ABHD17B: variants seen among roughly 807,000 people sequenced by gnomAD.
The protein encoded by ABHD17B is abhydrolase domain containing 17B, depalmitoylase.
ABHD17B carries 9 observed loss-of-function variants against 26.2 expected under a neutral mutation model. The ratio of observed to expected loss-of-function variants is 0.34; its 90% confidence interval spans 0.21 to 0.60. The LOEUF (loss-of-function observed/expected upper bound fraction) is 0.60, where lower values mean the gene tolerates loss of function less well. Among genes scored for constraint, ABHD17B ranks in the 20% least tolerant of loss-of-function variants. The pLI is 0.80. For synonymous variants in ABHD17B, 127 were observed against 122.3 expected (o/e 1.04, Z -0.25); for missense variants, 224 against 352.1 (o/e 0.64, Z 2.91).
At chr9:71,879,510 T>C (rs917982608) in intron 1 of ABHD17B, among the ~76,000 whole-genome samples, 13 of 152,182 alleles carry the variant, frequency 8.5e-5, no homozygotes, top group Admixed American at 5.9e-4. Flanking sequence ...AGAAAAATGA[T>C]AGTGCAGGGC....
intron 3 of ABHD17B, 106 bp from the exon 4 acceptor site, chr9:71,867,112 T>G: frequency 7.2e-7 from 1 of 1,379,384 alleles, no homozygotes. Context: ...ATTGTATGAA[T>G]CAGTTCAGAA....
At chr9:71,867,776 C>T (rs778363715) in intron 3 of ABHD17B, among the ~76,000 whole-genome samples, 6 of 152,094 alleles carry the variant, frequency 3.9e-5, no homozygotes, top group Non-Finnish European at 7.4e-5. Context: ...AGAAGACTGC[C>T]AGAGTTTAGA....
chr9:71,884,589 A>C lies in ABHD17B; in HGVS notation c.-3-9506T>G, dbSNP rs138486775. On this transcript the variant is annotated intron_variant, in intron 1 of 3. Transcript: ENST00000333421. Reference sequence around the variant, plus strand: ...ATACATTTCTAAGGGTACATATGTCAGAGTATATGCTTACCAAAGGGGTAA... The same window carrying C: ...ATACATTTCTAAGGGTACATATGTCCGAGTATATGCTTACCAAAGGGGTAA... Among the ~76,000 whole-genome samples the C allele has an allele frequency of 7.1e-3, 1,082 of 152,010 alleles. 8 individuals are homozygous for C. The highest frequency in any genetic ancestry group is 0.025 in the African/African-American group (1,022 of 41,442).
chr9:71,871,718 T>C (rs916840101), intron 2 of ABHD17B, among the ~76,000 whole-genome samples: 1 of 152,182 alleles, frequency 6.6e-6, no homozygotes, highest in Admixed American at 6.5e-5. Flanking sequence ...CCATCTAATC[T>C]AGAGTCCAGC....
intron 1 of ABHD17B, among the ~76,000 whole-genome samples, chr9:71,882,816 T>C (rs975735929): frequency 2.0e-5 from 3 of 152,056 alleles, no homozygotes; most frequent in African/African-American, 7.3e-5. Flanking sequence ...TTTGGGTGAT[T>C]GTTGCACAAT....
At chr9:71,878,928 G>A (rs1330868477) in intron 1 of ABHD17B, among the ~76,000 whole-genome samples, 1 of 152,202 alleles carries the variant, frequency 6.6e-6, no homozygotes, top group African/African-American at 2.4e-5. Flanking sequence ...GGCCGAGGTA[G>A]GAGGATTGCT....
chr9:71,885,735 T>C (rs1261584809), intron 1 of ABHD17B, among the ~76,000 whole-genome samples: 2 of 152,206 alleles, frequency 1.3e-5, no homozygotes, highest in Admixed American at 1.3e-4. Flanking sequence ...CTACTGTATC[T>C]CCTTCCTCTC....
intron 1 of ABHD17B, among the ~76,000 whole-genome samples, chr9:71,905,420 C>G (rs1180008685): frequency 1.3e-5 from 2 of 152,068 alleles, no homozygotes; most frequent in African/African-American, 4.8e-5. Flanking sequence ...AATGAGGTAC[C>G]ATTTCATACT....
At position 71,885,281 on chromosome 9, in the gene ABHD17B, C is replaced by T. The variant is rs2310050; in HGVS notation, c.-3-10198G>A. 9.4e-4 allele frequency among the ~76,000 whole-genome samples: 143 copies of T among 151,816 alleles called. 1 individual carries two copies. The highest frequency in any genetic ancestry group is 2.7e-3 in the African/African-American group (113 of 41,424). On this transcript the variant is annotated intron_variant, in intron 1 of 3. Coordinates refer to ENST00000333421, the MANE Select transcript of ABHD17B (RefSeq NM_001025780.3). Reference sequence around the variant, plus strand: ...CCAACATGGTGAAACCCCATCTCTACTAAAAAAATAATAATAATTAATATA... The same window carrying T: ...CCAACATGGTGAAACCCCATCTCTATTAAAAAAATAATAATAATTAATATA...
chr9:71,893,865 G>A (rs1367253481), intron 1 of ABHD17B, among the ~76,000 whole-genome samples: 3 of 152,140 alleles, frequency 2.0e-5, no homozygotes, highest in African/African-American at 7.2e-5. Flanking sequence ...CAAGGCGGGT[G>A]GATCACAAGG....
intron 1 of ABHD17B, among the ~76,000 whole-genome samples, chr9:71,895,856 T>C (rs903165015): frequency 7.2e-5 from 11 of 152,160 alleles, no homozygotes; most frequent in African/African-American, 2.7e-4. Context: ...TACTTTGGAA[T>C]GCAACAGGAC....
At chr9:71,885,275 T>C (rs931799600) in intron 1 of ABHD17B, among the ~76,000 whole-genome samples, 12 of 151,732 alleles carry the variant, frequency 7.9e-5, no homozygotes, top group Admixed American at 5.3e-4. Context: ...TGAAACCCCA[T>C]CTCTACTAAA....
chr9:71,898,071 GA>G (rs1285394869), intron 1 of ABHD17B, among the ~76,000 whole-genome samples: 1 of 151,928 alleles, frequency 6.6e-6, no homozygotes, highest in Non-Finnish European at 1.5e-5. Flanking sequence ...AAGAAAATAA[GA>G]ACAATATATT....
intron 1 of ABHD17B, among the ~76,000 whole-genome samples, chr9:71,906,815 C>CA (rs1471335511): frequency 0.071 from 280 of 3,928 alleles, 4 homozygotes; most frequent in South Asian, 0.43. Flanking sequence ...AACAAACAAA[C>CA]AAACAAAAAA....
At chr9:71,870,612 G>A (rs1826081991) in intron 2 of ABHD17B, among the ~76,000 whole-genome samples, 8 of 152,118 alleles carry the variant, frequency 5.3e-5, no homozygotes, top group Admixed American at 5.2e-4. Context: ...ATGAACTGAT[G>A]TTGAATGAAT....
intron 1 of ABHD17B, among the ~76,000 whole-genome samples, chr9:71,907,999 A>C (rs1272357423): frequency 3.9e-5 from 6 of 152,246 alleles, no homozygotes; most frequent in South Asian, 2.1e-4. Flanking sequence ...TCAGGACTAG[A>C]GAAGACCCAA....
intron 1 of ABHD17B, among the ~76,000 whole-genome samples, chr9:71,889,973 T>A (rs1826734408): frequency 6.6e-6 from 1 of 152,026 alleles, no homozygotes; most frequent in Non-Finnish European, 1.5e-5. Flanking sequence ...TATAAAAGAC[T>A]GAGCGGGCTG....
At chr9:71,910,238 C>A (rs1339518251) in intron 1 of ABHD17B, among the ~76,000 whole-genome samples, 1 of 152,136 alleles carries the variant, frequency 6.6e-6, no homozygotes, top group Non-Finnish European at 1.5e-5. Flanking sequence ...GGAATGGGAA[C>A]CTGACCCCAT....
rs187867212 is a variant in ABHD17B, at chr9:71,910,681, A to G, written c.-51T>C. The G allele has an allele frequency of 1.3e-5, 2 of 152,240 alleles. No individual in the cohort carries two copies. Among genetic ancestry groups the G allele is most frequent in the East Asian group, 3.9e-4 (2 of 5,136 alleles). 9.4% of individuals were successfully genotyped at this position (152,240 alleles called of 1,614,324 possible). On this transcript the variant is annotated 5_prime_UTR_variant, in exon 1 of 4. Transcript: ENST00000333421. The stretch of plus-strand genomic sequence containing the variant: ...GAAGCGCCGGGCAGAAGGGGTCGAG[A>G]GAGAACCGCAGCCGACGCGCTGTCC...
Sources: allele counts gnomAD v4.1 joint callset (sites outside exome capture counted in the v4.1 genomes callset), GRCh38; gene constraint gnomAD v4.1.1; transcripts MANE v1.5; gene names NCBI Gene and HGNC (gene_info 2026-07-23, HGNC 2026-07-21).